ARHGAP12: variants seen among roughly 807,000 people sequenced by gnomAD.
ARHGAP12 encodes the protein Rho GTPase activating protein 12, also known as rho GTPase-activating protein 12.
A neutral mutation model predicts 108.6 loss-of-function variants in ARHGAP12; 64 were observed. The observed-to-expected ratio is 0.59, with a 90% CI of 0.48 to 0.73. ARHGAP12 has a LOEUF of 0.73. Ranked by LOEUF, ARHGAP12 falls within the 30% of genes least tolerant of loss-of-function variation. ARHGAP12 has a pLI of 0.00. For synonymous variants in ARHGAP12, 312 were observed against 337.2 expected (o/e 0.93, Z 0.82); for missense variants, 940 against 1,005.9 (o/e 0.93, Z 0.89).
At chr10:31,857,599 G>A (rs1830010129) in intron 4 of ARHGAP12, among the ~76,000 whole-genome samples, 1 of 151,968 alleles carries the variant, frequency 6.6e-6, no homozygotes, top group African/African-American at 2.4e-5. Context: ...CAAAGCCCTC[G>A]CAGAAAATAA....
chr10:31,887,297 C>T (rs1440859823), intron 3 of ARHGAP12, among the ~76,000 whole-genome samples: 1 of 152,096 alleles, frequency 6.6e-6, no homozygotes, highest in Non-Finnish European at 1.5e-5. Context: ...ACCCACATTA[C>T]AGAGGGTAAT....
chr10:31,808,773 A>G (rs371681711), intron 18 of ARHGAP12, 22 bp from the exon 19 acceptor site: 1 of 1,607,974 alleles, frequency 6.2e-7, no homozygotes, highest in African/African-American at 1.3e-5. Context: ...TAATAACCAG[A>G]TATTTTACAG....
chr10:31,873,070 T>A (rs962098645), intron 3 of ARHGAP12, among the ~76,000 whole-genome samples: 1 of 152,134 alleles, frequency 6.6e-6, no homozygotes, highest in Non-Finnish European at 1.5e-5. Flanking sequence ...CTAACAGAAA[T>A]ATAACATGAG....
chr10:31,911,272 C>A (rs889320633), intron 1 of ARHGAP12, among the ~76,000 whole-genome samples: 5 of 152,198 alleles, frequency 3.3e-5, no homozygotes, highest in African/African-American at 1.2e-4. Context: ...GATCCGCCTG[C>A]CTCAGCCTCC....
chr10:31,837,683 CA>C (rs1836080481), intron 9 of ARHGAP12, among the ~76,000 whole-genome samples: 1 of 152,130 alleles, frequency 6.6e-6, no homozygotes, highest in East Asian at 1.9e-4. Flanking sequence ...TGATTAGTGC[CA>C]AAAAGACCAG....
At chr10:31,816,600 A>G (rs1437237812) in intron 13 of ARHGAP12, among the ~76,000 whole-genome samples, 1 of 152,192 alleles carries the variant, frequency 6.6e-6, no homozygotes, top group African/African-American at 2.4e-5. Context: ...TATTGGGTAA[A>G]ATAGAAGGTG....
At chr10:31,826,937 C>T (rs1203530794) in intron 10 of ARHGAP12, 3 of 152,100 alleles carry the variant, frequency 2.0e-5, no homozygotes, top group Non-Finnish European at 4.4e-5. Context: ...AAAATGTTTC[C>T]TCCATCACAA....
Position 31,913,775 on chromosome 10 carries a change from G to GCT in ARHGAP12, c.-110-3213_-110-3212insAG, listed in dbSNP as rs112598142. On this transcript the variant is annotated intron_variant, in intron 1 of 19. Transcript: ENST00000344936. Reference sequence around the variant, plus strand: ...ATGACAAATCAGTTGGTTCTAGCAGGGTTTTTTTTTTTTTTGAAGAAAGAA... The same window carrying GCT: ...ATGACAAATCAGTTGGTTCTAGCAGGCTGTTTTTTTTTTTTTTGAAGAAAGAA... 799 of 146,690 alleles carry GCT rather than the reference G, an allele frequency of 5.4e-3. 5 individuals carry two copies. Among genetic ancestry groups the GCT allele is most frequent in the African/African-American group, 0.016 (601 of 38,130 alleles). The allele number at this position is 146,690 out of a possible 1,614,324, so 9.1% of individuals were successfully genotyped here. A position where few individuals can be genotyped will look rare whatever the true frequency, so the allele number is the denominator to read the frequency against.
chr10:31,872,013 C>T (rs1157700410), intron 3 of ARHGAP12, among the ~76,000 whole-genome samples: 2 of 152,172 alleles, frequency 1.3e-5, no homozygotes, highest in Non-Finnish European at 2.9e-5. Flanking sequence ...ATAGTACTTA[C>T]GACACTAAAC....
At chr10:31,881,839 T>C (rs1837969819) in intron 3 of ARHGAP12, among the ~76,000 whole-genome samples, 1 of 152,144 alleles carries the variant, frequency 6.6e-6, no homozygotes, top group Non-Finnish European at 1.5e-5. Context: ...TTAAGAATAC[T>C]GTAAGTGTTC....
intron 14 of ARHGAP12, 74 bp from the exon 15 acceptor site, chr10:31,812,897 T>A (rs1835074262): frequency 4.0e-6 from 3 of 757,466 alleles, no homozygotes; most frequent in Non-Finnish European, 6.5e-6. Context: ...CCAGCTAGCA[T>A]GCAAAACACA....
In ARHGAP12 at chr10:31,839,637, T is replaced by C. The variant is rs552390287; in HGVS notation, c.1371A>G (p.Thr457=). Reference sequence around the variant, plus strand: ...TAAGATATGCTTCTATCATACTAACTGTATCTTGGTGCTTTGGTGAGGAGG... The same window carrying C: ...TAAGATATGCTTCTATCATACTAACCGTATCTTGGTGCTTTGGTGAGGAGG... ...SSPSSPKHQD[T]ASSPKDQEKY... The change falls in exon 8 of 20, where the codon ACA becomes ACG. Residue 457 remains threonine, a splice_region_variant and synonymous_variant. Transcript: ENST00000344936. 27 of 1,601,320 alleles carry C rather than the reference T, an allele frequency of 1.7e-5. No homozygotes were observed. In the East Asian group the frequency reaches 5.4e-4, roughly 32 times the overall value.
At chr10:31,927,423 G>T (rs1004355502) in intron 1 of ARHGAP12, among the ~76,000 whole-genome samples, 3 of 152,172 alleles carry the variant, frequency 2.0e-5, no homozygotes, top group Non-Finnish European at 4.4e-5. Context: ...CACTTCCATT[G>T]AAACACCCGG....
At chr10:31,816,167 A>ATGTGTG (rs1835193802) in intron 13 of ARHGAP12, among the ~76,000 whole-genome samples, 1 of 59,702 alleles carries the variant, frequency 1.7e-5, no homozygotes, top group African/African-American at 6.2e-5. Context: ...AAAGAAAGAA[A>ATGTGTG]CGTGTGTGTG....
intron 9 of ARHGAP12, among the ~76,000 whole-genome samples, chr10:31,836,685 A>C (rs1180557487): frequency 1.3e-5 from 2 of 152,300 alleles, no homozygotes; most frequent in South Asian, 4.1e-4. Context: ...TTTAACTCGC[A>C]AAGAAAGAGG....
chr10:31,815,050 G>A (rs11008658), intron 13 of ARHGAP12, among the ~76,000 whole-genome samples: 7,598 of 150,880 alleles, frequency 0.05, 642 homozygotes, highest in African/African-American at 0.17. Context: ...GAACCTGGGA[G>A]GCAGAGGTTG....
chr10:31,848,273 T>C (rs574728982), intron 6 of ARHGAP12, among the ~76,000 whole-genome samples: 2 of 152,202 alleles, frequency 1.3e-5, no homozygotes, highest in Non-Finnish European at 1.5e-5. Flanking sequence ...TCTACTGCAG[T>C]AGGTGATCTG....
At chr10:31,907,139 G>A (rs941678736) in intron 3 of ARHGAP12, among the ~76,000 whole-genome samples, 6 of 152,120 alleles carry the variant, frequency 3.9e-5, no homozygotes, top group South Asian at 2.1e-4. Context: ...GGCACCCCTC[G>A]CAATTATTCC....
In ARHGAP12 at chr10:31,861,564, G is replaced by A; in HGVS notation, c.779C>T (p.Pro260Leu). The A allele has an allele frequency of 1.2e-6, 2 of 1,614,184 alleles. No homozygotes were observed. Among genetic ancestry groups the A allele is most frequent in the Non-Finnish European group, 1.7e-6 (2 of 1,180,042 alleles). ...KISQSALPPL[P>L]GSPAIQINGE... is the part of the protein sequence containing the mutation. The stretch of plus-strand genomic sequence containing the variant: ...ATTAATCTGAATTGCCGGGCTCCCA[G>A]GAAGTGGGGGAAGAGCAGACTGGGA... The change falls in exon 4 of 20, where the codon CCT becomes CTT. Residue 260 changes from proline to leucine, a missense_variant. Coordinates refer to ENST00000344936, the MANE Select transcript of ARHGAP12 (RefSeq NM_018287.7).
Sources: gnomAD v4.1 joint callset for allele counts (sites outside exome capture counted in the v4.1 genomes callset) on GRCh38, gnomAD v4.1.1 for gene constraint, MANE v1.5 for transcripts, NCBI Gene and HGNC (gene_info 2026-07-23, HGNC 2026-07-21) for gene names.